The following ATRX variants were observed in gnomAD, a reference collection of about 807,000 sequenced individuals.
ATRX encodes chromatin remodeler ATRX.
A neutral mutation model predicts 172.6 loss-of-function variants in ATRX; 12 were observed. That is an observed-to-expected ratio of 0.07 (90% CI 0.04 to 0.11). The LOEUF (loss-of-function observed/expected upper bound fraction) is 0.11. Ranked by LOEUF, ATRX falls within the 10% of genes least tolerant of loss-of-function variation. The probability of loss-of-function intolerance (pLI) is 1.00; values close to 1 mark genes in which losing one functional copy is unlikely to be tolerated. For synonymous variants in ATRX, 674 were observed against 594.7 expected, an observed-to-expected ratio of 1.13 and a Z score of -1.94; for missense variants, 1,368 against 1,767.4, an observed-to-expected ratio of 0.77 and a Z score of 4.05.
chrX:77,525,958 C>T (rs1557043537), intron 30 of ATRX, among the ~76,000 whole-genome samples: 1 of 111,993 alleles, frequency 8.9e-6, no homozygotes, highest in African/African-American at 3.2e-5. Context: ...TATACACAAA[C>T]TCATATACAG....
intron 28 of ATRX, among the ~76,000 whole-genome samples, chrX:77,562,002 C>T (rs1234792799): frequency 8.9e-6 from 1 of 111,800 alleles, no homozygotes; most frequent in African/African-American, 3.2e-5. Flanking sequence ...AAACACCTTC[C>T]TTGTGTTATC....
At chrX:77,585,564 A>C (rs1336611989) in intron 27 of ATRX, among the ~76,000 whole-genome samples, 2 of 77,289 alleles carry the variant, frequency 2.6e-5, no homozygotes, top group African/African-American at 4.9e-5. Flanking sequence ...TGACAGAGCA[A>C]GACCTTGTCT....
At chrX:77,603,410 G>A (rs1049228836) in intron 22 of ATRX, among the ~76,000 whole-genome samples, 7 of 109,433 alleles carry the variant, frequency 6.4e-5, no homozygotes, top group African/African-American at 2.0e-4. Flanking sequence ...TTGTTGCCTA[G>A]GCTGGAGTAC....
Position 77,684,314 on chromosome X carries a change from T to C in ATRX, c.942A>G (p.Arg314=), listed in dbSNP as rs2148634095. ...TTGAACTAGTCTTCTTTGGAGAAAA[T>C]CTGGATGTATGTTCATATACTTTAT... ...KSNKVYEHTS[R]FSPKKTSSNC... Residue 314 remains arginine (R), a synonymous_variant, in exon 9 of 35, where the codon AGA becomes AGG. Transcript: ENST00000373344. 1.7e-6 allele frequency: 2 copies of C among 1,208,594 alleles called. No homozygotes were observed. The highest frequency in any genetic ancestry group is 2.2e-6 in the Non-Finnish European group (2 of 892,854).
At chrX:77,694,287 T>C (rs1426444578) in intron 5 of ATRX, among the ~76,000 whole-genome samples, 4 of 111,986 alleles carry the variant, frequency 3.6e-5, no homozygotes, top group Admixed American at 9.5e-5. Flanking sequence ...CTAAGTTCCA[T>C]AAAGAATTCA....
chrX:77,628,568 T>TTA (rs1557104300), intron 19 of ATRX, among the ~76,000 whole-genome samples: 85 of 112,433 alleles, frequency 7.6e-4, no homozygotes, highest in South Asian at 1.5e-3. Flanking sequence ...AGTAAACCTC[T>TTA]ATTAAATCCC....
intron 27 of ATRX, among the ~76,000 whole-genome samples, chrX:77,584,452 G>A (rs1260190510): frequency 9.0e-6 from 1 of 111,101 alleles, no homozygotes; most frequent in Non-Finnish European, 1.9e-5. Flanking sequence ...CTATGGTACT[G>A]GCATAAAAAC....
intron 2 of ATRX, among the ~76,000 whole-genome samples, chrX:77,705,959 C>T (rs782152986): frequency 9.1e-6 from 1 of 110,357 alleles, no homozygotes; most frequent in South Asian, 3.9e-4. Flanking sequence ...CAGAAATAAA[C>T]CCATATATCT....
chrX:77,766,548 G>A (rs1219966306), intron 1 of ATRX, among the ~76,000 whole-genome samples: 3 of 108,420 alleles, frequency 2.8e-5, no homozygotes, highest in Non-Finnish European at 5.8e-5. Flanking sequence ...AGACGGGGTC[G>A]CAGCCGGGCA....
intron 15 of ATRX, among the ~76,000 whole-genome samples, chrX:77,639,887 G>C (rs782782238): frequency 2.7e-5 from 3 of 112,407 alleles, no homozygotes; most frequent in African/African-American, 9.7e-5. Flanking sequence ...GTACTCATAA[G>C]TTCATTGCCA....
intron 1 of ATRX, among the ~76,000 whole-genome samples, chrX:77,729,664 A>G (rs2074214791): frequency 8.9e-6 from 1 of 112,041 alleles, no homozygotes; most frequent in East Asian, 2.8e-4. Flanking sequence ...GCCGGGCATG[A>G]TGGCTCATGC....
intron 30 of ATRX, among the ~76,000 whole-genome samples, chrX:77,554,398 G>A (rs934752466): frequency 4.5e-5 from 5 of 111,286 alleles, no homozygotes; most frequent in Admixed American, 1.9e-4. Context: ...ATGTCTGATC[G>A]AGCCCACAAT....
At chrX:77,566,837 C>G (rs1249582586) in intron 28 of ATRX, among the ~76,000 whole-genome samples, 1 of 111,928 alleles carries the variant, frequency 8.9e-6, no homozygotes, top group Non-Finnish European at 1.9e-5. Flanking sequence ...GGAGAAGTAA[C>G]AGCAAATAAT....
At chrX:77,552,122 A>G (rs182207037) in intron 30 of ATRX, among the ~76,000 whole-genome samples, 16 of 111,575 alleles carry the variant, frequency 1.4e-4, no homozygotes, top group Non-Finnish European at 3.0e-4. Context: ...ATTACTGGGT[A>G]TATACCCAAA....
At chrX:77,708,944 T>C (rs1180509657) in intron 2 of ATRX, among the ~76,000 whole-genome samples, 1 of 112,528 alleles carries the variant, frequency 8.9e-6, no homozygotes, top group Non-Finnish European at 1.9e-5. Flanking sequence ...CAGTGGCTGA[T>C]GCCTGTAATC....
intron 28 of ATRX, among the ~76,000 whole-genome samples, chrX:77,569,614 C>T (rs1557066338): frequency 9.0e-6 from 1 of 111,384 alleles, no homozygotes; most frequent in Non-Finnish European, 1.9e-5. Context: ...GAGCAATGAA[C>T]ACATGGAAAC....
intron 10 of ATRX, among the ~76,000 whole-genome samples, chrX:77,671,167 A>AAAAATATATATATAT (rs1424480831): frequency 1.9e-4 from 3 of 15,733 alleles, no homozygotes; most frequent in African/African-American, 6.4e-4. Flanking sequence ...AAAAAAAAAA[A>AAAAATATATATATAT]ATATATATAT....
intron 30 of ATRX, among the ~76,000 whole-genome samples, chrX:77,550,615 G>A (rs1602495123): frequency 9.0e-6 from 1 of 111,258 alleles, no homozygotes; most frequent in East Asian, 2.8e-4. Flanking sequence ...GTTCTGGCCA[G>A]GGCAATCAGG....
At chrX:77,626,754 G>A (rs1325870217) in intron 19 of ATRX, among the ~76,000 whole-genome samples, 6 of 111,960 alleles carry the variant, frequency 5.4e-5, no homozygotes, top group African/African-American at 1.9e-4. Flanking sequence ...AATGAGACTA[G>A]GAGGTAGGGA....
Sources: allele counts gnomAD v4.1 joint callset (sites outside exome capture counted in the v4.1 genomes callset), GRCh38; gene constraint gnomAD v4.1.1; transcripts MANE v1.5; gene names NCBI Gene and HGNC (gene_info 2026-07-23, HGNC 2026-07-21).